The following TERT variants were observed in gnomAD, a reference collection of about 807,000 sequenced individuals.
The protein encoded by TERT is telomerase reverse transcriptase, also known as telomerase catalytic subunit.
Under a neutral mutation model 104.0 loss-of-function variants are expected in TERT, and 42 were observed. That is an observed-to-expected ratio of 0.40 (90% CI 0.32 to 0.52). The LOEUF is 0.52. Among genes scored for constraint, TERT ranks in the 20% least tolerant of loss-of-function variants. The pLI is 0.43. For missense variants in TERT, 1,101 were observed against 1,610.3 expected, an observed-to-expected ratio of 0.68 and a Z score of 5.41; for synonymous variants, 781 against 725.6, an observed-to-expected ratio of 1.08 and a Z score of -1.23.
Position 1,293,506 on chromosome 5 carries a change from C to T in TERT, c.1380G>A (p.Gln460=), listed in dbSNP as rs754992012. ...GGCAGGCCCGCACGAAGCCGTACAC[C>T]TGCCAGGGGCTGCTGTGCTGGCGGA... is the stretch of plus-strand genomic sequence containing the variant. ...QLLRQHSSPW[Q]VYGFVRACLR... is the part of the protein sequence containing the mutation. The change falls in exon 2 of 16, where the codon CAG becomes CAA. Residue 460 remains glutamine (Q), a synonymous_variant. Coordinates refer to ENST00000310581, the MANE Select transcript of TERT (RefSeq NM_198253.3). 3.8e-6 allele frequency: 6 copies of T among 1,574,322 alleles called. No homozygotes were observed. The South Asian group carries it at 6.9e-5, about 18-fold the overall frequency.
Position 1,292,904 on chromosome 5 carries a change from G to C in TERT, c.1573+409C>G, listed in dbSNP as rs1751082580. 6.6e-6 allele frequency among the ~76,000 whole-genome samples: 1 copy of C among 152,200 alleles called. No homozygotes were observed. The highest frequency in any genetic ancestry group is 2.4e-5 in the African/African-American group (1 of 41,452). Reference sequence around the variant, plus strand: ...CTTACCTCCCACCCCCAGGAAGAGGGGGTTCTCGTCCCCACCTCTCATTCC... The same window carrying C: ...CTTACCTCCCACCCCCAGGAAGAGGCGGTTCTCGTCCCCACCTCTCATTCC... On this transcript the variant is annotated intron_variant, in intron 2 of 15. Coordinates refer to ENST00000310581, the MANE Select transcript of TERT (RefSeq NM_198253.3). This position sits in a 1 kb window ranked among gnomAD's most constrained non-coding sequence, Gnocchi z 5.5.
rs920496028 is a variant in TERT at position 1,286,343 on chromosome 5, C to T, written c.1574-3719G>A. Among the ~76,000 whole-genome samples the T allele has an allele frequency of 3.3e-5, 5 of 152,176 alleles. No individual in the cohort carries two copies. The highest frequency in any genetic ancestry group is 2.0e-4 in the Admixed American group (3 of 15,270). On this transcript the variant is annotated intron_variant, in intron 2 of 15. Coordinates refer to ENST00000310581, the MANE Select transcript of TERT (RefSeq NM_198253.3). The surrounding 1 kb of genome is among the most constrained non-coding windows in gnomAD (Gnocchi z 5.3). ...AAGGAAGGGGACCCCAGACGGCGGG[C>T]CTGAGACAGAAGACAGACGGGGAAC...
intron 12 of TERT, among the ~76,000 whole-genome samples, chr5:1,260,003 G>C (rs552656360): frequency 1.5e-4 from 23 of 152,184 alleles, no homozygotes; most frequent in African/African-American, 5.3e-4. Flanking sequence ...GAGTGGACGC[G>C]GATGCCCAGA....
At chr5:1,280,448 C>A in intron 3 of TERT, 110 bp from the exon 4 acceptor site, 5 of 1,209,250 alleles carry the variant, frequency 4.1e-6, no homozygotes, top group South Asian at 3.9e-5. Flanking sequence ...AGGGCACCCA[C>A]GGCAGCACAC....
Position 1,260,560 on chromosome 5 carries a change from G to T in TERT, c.2884C>A (p.Arg962Ser), listed in dbSNP as rs144697790. 2.5e-6 allele frequency: 4 copies of T among 1,614,024 alleles called. No individual in the cohort carries two copies. Among genetic ancestry groups the T allele is most frequent in the Non-Finnish European group, 3.4e-6 (4 of 1,180,024 alleles). ...TSIRASLTFN[R>S]GFKAGRNMRR... is the part of the protein sequence containing the mutation. Reference sequence around the variant, plus strand: ...ATGTTCCTCCCAGCCTTGAAGCCGCGGTTGAAGGTGAGACTGGCTCTGATG... The same window carrying T: ...ATGTTCCTCCCAGCCTTGAAGCCGCTGTTGAAGGTGAGACTGGCTCTGATG... The change falls in exon 12 of 16, where the codon CGC becomes AGC. Residue 962 changes from arginine to serine, a missense_variant. Arg to Ser is a moderately radical substitution (Grantham distance 110, BLOSUM62 -1). Around this residue, in one of 5 missense-constraint regions of TERT, gnomAD observed 463 missense variants for 797.5 expected, o/e 0.58. Transcript: ENST00000310581.
intron 6 of TERT, among the ~76,000 whole-genome samples, chr5:1,277,508 A>T (rs1370143714): frequency 2.0e-5 from 3 of 151,668 alleles, no homozygotes; most frequent in Non-Finnish European, 4.4e-5. Flanking sequence ...CTCCTGCCTG[A>T]TCTCACTCAC....
At chr5:1,289,450 A>G (rs1750725624) in intron 2 of TERT, among the ~76,000 whole-genome samples, 2 of 76,320 alleles carry the variant, frequency 2.6e-5, no homozygotes, top group African/African-American at 1.1e-4. Flanking sequence ...CGTGACAGGG[A>G]CACCCGGGGA....
Position 1,270,813 on chromosome 5 carries a change from G to A in TERT, c.2468+306C>T, listed in dbSNP as rs1048172703. 1.3e-5 allele frequency among the ~76,000 whole-genome samples: 2 copies of A among 152,198 alleles called. No homozygotes were observed. The highest frequency in any genetic ancestry group is 2.4e-5 in the African/African-American group (1 of 41,450). On this transcript the variant is annotated intron_variant, in intron 8 of 15. Coordinates refer to ENST00000310581, the MANE Select transcript of TERT (RefSeq NM_198253.3). The surrounding 1 kb of genome is among the most constrained non-coding windows in gnomAD (Gnocchi z 8.3). Reference sequence around the variant, plus strand: ...TGACAAGCTGCAGGCTCAAACGCTCGGCGCACACCTGACCCAGACACACCC... The same window carrying A: ...TGACAAGCTGCAGGCTCAAACGCTCAGCGCACACCTGACCCAGACACACCC...
chr5:1,273,798 T>C (rs1050288832), intron 6 of TERT, among the ~76,000 whole-genome samples: 2 of 146,482 alleles, frequency 1.4e-5, no homozygotes, highest in Non-Finnish European at 1.5e-5. Context: ...CCAACCGCCA[T>C]CCACAGTCAC....
intron 2 of TERT, 124 bp from the exon 3 acceptor site, chr5:1,282,748 G>T: frequency 4.3e-6 from 4 of 939,308 alleles, no homozygotes; most frequent in Non-Finnish European, 6.6e-6. Flanking sequence ...CCCCAGACCT[G>T]CACCATCCGG....
intron 9 of TERT, among the ~76,000 whole-genome samples, 200 bp from the exon 10 acceptor site, chr5:1,266,735 T>TA (rs1748633922): frequency 6.6e-6 from 1 of 152,248 alleles, no homozygotes; most frequent in African/African-American, 2.4e-5. Flanking sequence ...TCATTCATTA[T>TA]AAGTACTCAG....
chr5:1,290,682 T>C (rs62332592), intron 2 of TERT, among the ~76,000 whole-genome samples: 5,213 of 17,642 alleles, frequency 0.3, 46 homozygotes, highest in South Asian at 0.41. Flanking sequence ...CCGGGGACCG[T>C]GCCTCACTCA....
rs1301313710 is a variant in TERT at position 1,282,415 on chromosome 5, TG to T, written c.1769+13del. The T allele has an allele frequency of 2.5e-6, 4 of 1,612,868 alleles. No homozygotes were observed. Among genetic ancestry groups the T allele is most frequent in the Middle Eastern group, 1.7e-4 (1 of 6,056 alleles). On this transcript the variant is annotated intron_variant, in intron 3 of 15. Coordinates refer to ENST00000310581, the MANE Select transcript of TERT (RefSeq NM_198253.3). ...GACTTCGAGAAGCAGAGGCCTGGCG[TG>T]GGGATACAGTACCTGATTCCAATGC...
rs767882579 is a variant in TERT at position 1,293,296 on chromosome 5, G to C, written c.1573+17C>G. On this transcript the variant is annotated intron_variant, in intron 2 of 15. Coordinates refer to ENST00000310581, the MANE Select transcript of TERT (RefSeq NM_198253.3). ...CAGCTCTGGGGCCTGGGCCCTCGAC[G>C]GCCACCACCTCCTCACCTGGGCTCC... The C allele has an allele frequency of 6.2e-7, 1 of 1,611,886 alleles. No homozygotes were observed. Among genetic ancestry groups the C allele is most frequent in the Non-Finnish European group, 8.5e-7 (1 of 1,179,960 alleles).
chr5:1,293,137 C>T (rs949050384), intron 2 of TERT, among the ~76,000 whole-genome samples, 176 bp downstream of exon 2: 3 of 152,246 alleles, frequency 2.0e-5, no homozygotes, highest in Non-Finnish European at 2.9e-5. Context: ...GCAAACTGGA[C>T]AGGAGGGAGA....
rs1469467957 is a variant in TERT at position 1,294,804 on chromosome 5, T to C, written c.186A>G (p.Ala62=). ...AGGAGGGGGCGGCGGGGGGCGGCCG[T>C]GCGTCCCAGGGCACGCACACCAGGC... ...AQCLVCVPWD[A]RPPPAAPSFR... Residue 62 remains alanine (A), a synonymous_variant, in exon 1 of 16, where the codon GCA becomes GCG. Coordinates refer to ENST00000310581, the MANE Select transcript of TERT (RefSeq NM_198253.3). The C allele has an allele frequency of 1.3e-6, 2 of 1,520,792 alleles. No homozygotes were observed. The highest frequency in any genetic ancestry group is 8.8e-7 in the Non-Finnish European group (1 of 1,141,924). The allele number at this position is 1,520,792 out of a possible 1,614,324, so 94.2% of individuals were successfully genotyped here.
chr5:1,264,448 C>A lies in TERT; in HGVS notation c.2799G>T (p.Leu933=), dbSNP rs763468049. ...CCTCCAGGGTCCGGGTATCCAGCAGCAGGCCGCACCAGGGGAATAGGCCGT... is the reference window on the plus strand; with the variant it reads ...CCTCCAGGGTCCGGGTATCCAGCAGAAGGCCGCACCAGGGGAATAGGCCGT... ...PAHGLFPWCG[L]LLDTRTLEVQ... The change falls in exon 11 of 16, where the codon CTG becomes CTT. Residue 933 remains leucine (L), a synonymous_variant. Coordinates refer to ENST00000310581, the MANE Select transcript of TERT (RefSeq NM_198253.3). 1.9e-6 allele frequency: 3 copies of A among 1,613,696 alleles called. No homozygotes were observed. The highest frequency in any genetic ancestry group is 2.5e-6 in the Non-Finnish European group (3 of 1,180,020).
rs1579598909 is a variant in TERT, at chr5:1,294,674, G to A, written c.220-8C>T. ...CTCCTTCAGGCAGGACACCTGCGGG[G>A]GAAGCGCCCTGAGTCGCCTGCGCTG... On this transcript the variant is annotated splice_region_variant and splice_polypyrimidine_tract_variant and intron_variant, in intron 1 of 15. Transcript: ENST00000310581. 4 of 1,592,882 alleles carry A rather than the reference G, an allele frequency of 2.5e-6. No individual in the cohort carries two copies. Among genetic ancestry groups the A allele is most frequent in the South Asian group, 2.2e-5 (2 of 89,860 alleles).
rs1748379985 is a variant in TERT, at chr5:1,263,596, G to T, written c.2843+808C>A. On this transcript the variant is annotated intron_variant, in intron 11 of 15. Transcript: ENST00000310581. This position sits in a 1 kb window ranked among gnomAD's most constrained non-coding sequence, Gnocchi z 5.3. ...TTTTTGTATTTTTTAAGTAGAAATGGAATTTCACTATGTTGGTTAGGTTGG... is the reference window on the plus strand; with the variant it reads ...TTTTTGTATTTTTTAAGTAGAAATGTAATTTCACTATGTTGGTTAGGTTGG... Among the ~76,000 whole-genome samples, 1 of 152,188 alleles carries T rather than the reference G, an allele frequency of 6.6e-6. No homozygotes were observed. The highest frequency in any genetic ancestry group is 2.1e-4 in the South Asian group (1 of 4,826).
Sources: gnomAD v4.1 joint callset for allele counts (sites outside exome capture counted in the v4.1 genomes callset) on GRCh38, gnomAD v4.1.1 for gene constraint, gnomAD v4.1.1 regional missense constraint, Gnocchi (gnomAD v3.1) non-coding constraint, MANE v1.5 for transcripts, NCBI Gene and HGNC (gene_info 2026-07-23, HGNC 2026-07-21) for gene names.